SLC30A8: variants seen among roughly 807,000 people sequenced by gnomAD.
The protein encoded by SLC30A8 is proton-coupled zinc antiporter SLC30A8.
SLC30A8 carries 27 observed loss-of-function variants against 36.9 expected under a neutral mutation model. The observed-to-expected ratio is 0.73, with a 90% CI of 0.54 to 1.01. The LOEUF (loss-of-function observed/expected upper bound fraction) is 1.01. SLC30A8 is among the 50% of genes least tolerant of loss of function. SLC30A8 has a pLI of 0.00. For synonymous variants in SLC30A8, 164 were observed against 172.4 expected, an observed-to-expected ratio of 0.95 and a Z score of 0.38; for missense variants, 439 against 452.0, an observed-to-expected ratio of 0.97 and a Z score of 0.26.
chr8:117,119,937 T>C (rs1321054902), intron 2 of SLC30A8, among the ~76,000 whole-genome samples: 1 of 151,876 alleles, frequency 6.6e-6, no homozygotes, highest in East Asian at 1.9e-4. Context: ...AAAAGACTTA[T>C]GTGCTGAAAA....
intron 2 of SLC30A8, among the ~76,000 whole-genome samples, chr8:117,063,839 A>G (rs1056474724): frequency 6.6e-6 from 1 of 152,168 alleles, no homozygotes; most frequent in Non-Finnish European, 1.5e-5. Context: ...TCTTCTAGGT[A>G]GAAAGTCTAA....
At chr8:116,977,003 G>A (rs1415912995) in intron 1 of SLC30A8, among the ~76,000 whole-genome samples, 1 of 150,252 alleles carries the variant, frequency 6.7e-6, no homozygotes. Context: ...ATTTTTAGTA[G>A]AGACAGGGTT....
chr8:117,062,108 C>T (rs1178821862), intron 2 of SLC30A8, among the ~76,000 whole-genome samples: 1 of 152,132 alleles, frequency 6.6e-6, no homozygotes, highest in Non-Finnish European at 1.5e-5. Context: ...GGACTTTCCA[C>T]ACAGGATCCA....
intron 2 of SLC30A8, among the ~76,000 whole-genome samples, chr8:117,042,768 C>T (rs1166435751): frequency 1.3e-5 from 2 of 151,992 alleles, no homozygotes; most frequent in South Asian, 2.1e-4. Flanking sequence ...CTCCGCCTCC[C>T]GGGTTCAAGC....
At chr8:117,004,978 TA>T (rs915590778) in intron 1 of SLC30A8, among the ~76,000 whole-genome samples, 6 of 151,772 alleles carry the variant, frequency 4.0e-5, no homozygotes, top group East Asian at 1.9e-4. Context: ...TCCCCACCTT[TA>T]AAAAAAACAG....
At chr8:117,122,352 A>G (rs1820726546) in intron 2 of SLC30A8, among the ~76,000 whole-genome samples, 1 of 152,016 alleles carries the variant, frequency 6.6e-6, no homozygotes, top group African/African-American at 2.4e-5. Flanking sequence ...CTCACTTGAT[A>G]ATTACAACAA....
chr8:117,033,924 C>A (rs530930288), intron 1 of SLC30A8, among the ~76,000 whole-genome samples: 17 of 152,208 alleles, frequency 1.1e-4, no homozygotes, highest in African/African-American at 3.9e-4. Flanking sequence ...TTTTCCTAAG[C>A]TAAAAAAGGC....
chr8:117,014,844 G>A (rs1816461405), intron 1 of SLC30A8, among the ~76,000 whole-genome samples: 1 of 152,086 alleles, frequency 6.6e-6, no homozygotes, highest in African/African-American at 2.4e-5. Flanking sequence ...GGAGAGGGAT[G>A]GATTTGAGGT....
intron 1 of SLC30A8, among the ~76,000 whole-genome samples, chr8:117,012,683 CAT>C (rs1491359854): frequency 3.1e-5 from 4 of 130,714 alleles, no homozygotes; most frequent in South Asian, 5.2e-4. Flanking sequence ...TGTGTGTGTG[CAT>C]GTGTGTGTGT....
intron 2 of SLC30A8, among the ~76,000 whole-genome samples, chr8:117,078,785 G>A (rs956762609): frequency 1.3e-5 from 2 of 151,980 alleles, no homozygotes; most frequent in African/African-American, 2.4e-5. Flanking sequence ...TACCTTGGGC[G>A]CAGGTGGTCC....
chr8:117,072,118 T>C (rs1475161063), intron 2 of SLC30A8, among the ~76,000 whole-genome samples: 1 of 152,236 alleles, frequency 6.6e-6, no homozygotes, highest in African/African-American at 2.4e-5. Context: ...TTCTTACTGC[T>C]TTGGCACCAA....
intron 2 of SLC30A8, among the ~76,000 whole-genome samples, chr8:117,110,260 TA>T (rs113977042): frequency 1.3e-3 from 194 of 145,172 alleles, no homozygotes; most frequent in East Asian, 3.0e-3. Context: ...CAACATTACT[TA>T]AAAAAAAAAA....
intron 2 of SLC30A8, among the ~76,000 whole-genome samples, chr8:117,081,951 G>T (rs1818689475): frequency 6.6e-6 from 1 of 152,126 alleles, no homozygotes; most frequent in Non-Finnish European, 1.5e-5. Context: ...TGCAAATAGA[G>T]AATGTTGGAG....
chr8:117,049,141 G>A (rs1438147472), intron 2 of SLC30A8, among the ~76,000 whole-genome samples: 1 of 152,174 alleles, frequency 6.6e-6, no homozygotes, highest in African/African-American at 2.4e-5. Flanking sequence ...AGCAAGTAGG[G>A]AGATTTTGGG....
At chr8:116,956,740 T>C (rs1380507837) in intron 1 of SLC30A8, among the ~76,000 whole-genome samples, 12 of 152,252 alleles carry the variant, frequency 7.9e-5, no homozygotes, top group Non-Finnish European at 1.6e-4. Flanking sequence ...AGTTGAGTTC[T>C]ATTTTGAAAC....
chr8:117,131,833 G>C (rs1563616468), upstream of SLC30A8, among the ~76,000 whole-genome samples: 1 of 151,926 alleles, frequency 6.6e-6, no homozygotes, highest in Non-Finnish European at 1.5e-5. Flanking sequence ...CTCTTCACAA[G>C]AACTCTGTAA....
At chr8:117,062,336 A>C (rs748569019) in intron 2 of SLC30A8, among the ~76,000 whole-genome samples, 4 of 152,216 alleles carry the variant, frequency 2.6e-5, no homozygotes, top group Non-Finnish European at 5.9e-5. Flanking sequence ...CAGGCTGTCC[A>C]TGCGTGGCAA....
At chr8:117,040,762 G>A (rs1817358708) in intron 2 of SLC30A8, among the ~76,000 whole-genome samples, 1 of 152,160 alleles carries the variant, frequency 6.6e-6, no homozygotes, top group Admixed American at 6.5e-5. Context: ...TTGAAGATGA[G>A]CTAACTAATG....
At chr8:117,045,100 A>G (rs929690298) in intron 2 of SLC30A8, among the ~76,000 whole-genome samples, 2 of 152,216 alleles carry the variant, frequency 1.3e-5, no homozygotes, top group Non-Finnish European at 2.9e-5. Context: ...TCATCCTTTC[A>G]GCGGTGTAAC....
Sources: allele counts gnomAD v4.1 joint callset (sites outside exome capture counted in the v4.1 genomes callset), GRCh38; gene constraint gnomAD v4.1.1; transcripts MANE v1.5; gene names NCBI Gene and HGNC (gene_info 2026-07-23, HGNC 2026-07-21).